The following CSTPP1 variants were observed in gnomAD, a reference collection of about 807,000 sequenced individuals.
CSTPP1 encodes the protein UPF0705 protein C11orf49.
chr11:47,067,292 A>C, the CSTPP1 span, among the ~76,000 whole-genome samples: 2 of 152,200 alleles, frequency 1.3e-5, no homozygotes, highest in Non-Finnish European at 1.5e-5. Context: ...TAGTTTAAAA[A>C]TTTTATTGTT....
chr11:47,008,847 G>A, the CSTPP1 span, among the ~76,000 whole-genome samples: 1 of 151,882 alleles, frequency 6.6e-6, no homozygotes, highest in African/African-American at 2.4e-5. Flanking sequence ...TGGCTAACAC[G>A]GTGAAACCCC....
At chr11:47,119,179 C>G in the CSTPP1 span, among the ~76,000 whole-genome samples, 2 of 152,258 alleles carry the variant, frequency 1.3e-5, no homozygotes, top group Non-Finnish European at 2.9e-5. Flanking sequence ...GCCCCTCCCC[C>G]AGCCAGGCTG....
chr11:47,146,128 C>T, the CSTPP1 span, among the ~76,000 whole-genome samples: 4 of 151,908 alleles, frequency 2.6e-5, no homozygotes, highest in African/African-American at 4.8e-5. Context: ...TTTGGGAGGC[C>T]GAGGCGGGTG....
At chr11:46,968,195 C>G in the CSTPP1 span, among the ~76,000 whole-genome samples, 1 of 151,616 alleles carries the variant, frequency 6.6e-6, no homozygotes, top group Non-Finnish European at 1.5e-5. Flanking sequence ...CTGAGTGACT[C>G]CATTTTGGTT....
chr11:47,059,833 G>A, the CSTPP1 span, among the ~76,000 whole-genome samples: 5 of 152,084 alleles, frequency 3.3e-5, no homozygotes, highest in Admixed American at 1.3e-4. Context: ...CGCTGGGCGC[G>A]GTGACTCATG....
chr11:47,094,912 G>C, the CSTPP1 span, among the ~76,000 whole-genome samples: 1 of 152,194 alleles, frequency 6.6e-6, no homozygotes, highest in Non-Finnish European at 1.5e-5. Context: ...CAGTTTTATA[G>C]ATTATGAAAG....
At chr11:46,963,600 A>G in the CSTPP1 span, among the ~76,000 whole-genome samples, 1 of 152,094 alleles carries the variant, frequency 6.6e-6, no homozygotes, top group Non-Finnish European at 1.5e-5. Flanking sequence ...CCTGGCCAAC[A>G]TGGTGAAACC....
the CSTPP1 span, chr11:47,159,927 C>T: frequency 3.0e-6 from 1 of 337,726 alleles, no homozygotes; most frequent in African/African-American, 2.2e-5. Flanking sequence ...TCACTTGAAC[C>T]AGGGAGGCGG....
the CSTPP1 span, among the ~76,000 whole-genome samples, chr11:47,014,726 A>C: frequency 7.0e-6 from 1 of 143,450 alleles, no homozygotes; most frequent in Non-Finnish European, 1.5e-5. Flanking sequence ...AGAGAGAGAA[A>C]GAAAGAGAGA....
the CSTPP1 span, chr11:47,157,280 G>T: frequency 6.7e-7 from 1 of 1,494,530 alleles, no homozygotes; most frequent in South Asian, 1.4e-5. Context: ...GCTGGCTGCG[G>T]AACAGAGCTC....
the CSTPP1 span, among the ~76,000 whole-genome samples, chr11:46,965,848 G>A: frequency 0.1 from 15,342 of 152,096 alleles, 2,572 homozygotes; most frequent in African/African-American, 0.35. Flanking sequence ...AACTACATCA[G>A]TGAACTTTTC....
the CSTPP1 span, among the ~76,000 whole-genome samples, chr11:47,095,856 A>ATT: frequency 6.6e-6 from 1 of 151,906 alleles, no homozygotes; most frequent in African/African-American, 2.4e-5. Context: ...GCAAAACCTG[A>ATT]TTTTTTTTGC....
chr11:47,135,737 C>G, the CSTPP1 span, among the ~76,000 whole-genome samples: 1 of 152,224 alleles, frequency 6.6e-6, no homozygotes, highest in Non-Finnish European at 1.5e-5. Context: ...CCTCACTTAA[C>G]ATTTAGAAGA....
the CSTPP1 span, among the ~76,000 whole-genome samples, chr11:47,016,408 AAAC>A: frequency 8.0e-5 from 12 of 150,624 alleles, no homozygotes; most frequent in South Asian, 2.1e-4. Context: ...AAAAAACAAA[AAAC>A]AAAAAAAAAA....
chr11:47,124,865 C>G, the CSTPP1 span, among the ~76,000 whole-genome samples: 1 of 152,172 alleles, frequency 6.6e-6, no homozygotes, highest in African/African-American at 2.4e-5. Context: ...TTCAGAAAGC[C>G]TAACTATTGT....
chr11:47,001,987 G>A, the CSTPP1 span, among the ~76,000 whole-genome samples: 5 of 152,020 alleles, frequency 3.3e-5, no homozygotes, highest in African/African-American at 9.7e-5. Context: ...ACTTATTTAC[G>A]TTAAATTGAG....
chr11:47,052,587 C>T, the CSTPP1 span: 2 of 1,549,272 alleles, frequency 1.3e-6, no homozygotes, highest in East Asian at 2.3e-5. Context: ...TCCTTCCTCT[C>T]TCTCTCTTTC....
the CSTPP1 span, among the ~76,000 whole-genome samples, chr11:47,062,474 C>A: frequency 6.6e-6 from 1 of 152,010 alleles, no homozygotes; most frequent in Non-Finnish European, 1.5e-5. Flanking sequence ...TAATAGCTAC[C>A]CCTTATTGAG....
the CSTPP1 span, among the ~76,000 whole-genome samples, chr11:46,983,861 ACT>A: frequency 6.6e-6 from 1 of 151,856 alleles, no homozygotes; most frequent in Admixed American, 6.6e-5. Context: ...CTGGTGTAAA[ACT>A]CTCTGCAGGG....
Sources: gnomAD v4.1 joint callset for allele counts (sites outside exome capture counted in the v4.1 genomes callset) on GRCh38, gnomAD v4.1.1 for gene constraint, MANE v1.5 for transcripts, NCBI Gene and HGNC (gene_info 2026-07-23, HGNC 2026-07-21) for gene names.